LUZP2: variants seen among roughly 807,000 people sequenced by gnomAD.
The protein encoded by LUZP2 is leucine zipper protein 2.
Under a neutral mutation model 51.6 loss-of-function variants are expected in LUZP2, and 52 were observed. The ratio of observed to expected loss-of-function variants is 1.01; its 90% confidence interval spans 0.81 to 1.27. LUZP2 has a LOEUF of 1.27. Among genes scored for constraint, LUZP2 ranks in the 50% most tolerant of loss-of-function variants. The probability of loss-of-function intolerance (pLI) is 0.00; values close to 1 mark genes in which losing one functional copy is unlikely to be tolerated. For synonymous variants in LUZP2, 154 were observed against 137.3 expected (o/e 1.12, Z -0.85); for missense variants, 436 against 395.4 (o/e 1.10, Z -0.87).
chr11:24,647,723 T>A (rs1855506246), intron 1 of LUZP2, among the ~76,000 whole-genome samples: 1 of 152,008 alleles, frequency 6.6e-6, no homozygotes, highest in Non-Finnish European at 1.5e-5. Flanking sequence ...GTTGATAGCC[T>A]TTATCAAGAT....
intron 1 of LUZP2, among the ~76,000 whole-genome samples, chr11:24,587,483 CT>C (rs1295302606): frequency 1.3e-5 from 2 of 152,086 alleles, no homozygotes; most frequent in African/African-American, 4.8e-5. Flanking sequence ...TCTTAGCTTT[CT>C]GATTTTTAGA....
At chr11:24,540,054 T>G (rs1173803725) in intron 1 of LUZP2, among the ~76,000 whole-genome samples, 1 of 152,068 alleles carries the variant, frequency 6.6e-6, no homozygotes, top group Non-Finnish European at 1.5e-5. Context: ...AAAAATTTAA[T>G]AGAAACCTAC....
chr11:24,530,797 G>T, intron 1 of LUZP2, among the ~76,000 whole-genome samples: 2 of 101,208 alleles, frequency 2.0e-5, no homozygotes, highest in East Asian at 3.1e-4. Context: ...GTGGGGTTTA[G>T]GGTTGACTTT....
chr11:25,050,000 T>C, intron 9 of LUZP2, 38 bp from the exon 10 acceptor site: 3 of 1,223,726 alleles, frequency 2.5e-6, no homozygotes, highest in Non-Finnish European at 3.5e-6. Flanking sequence ...TTGTATTTAG[T>C]GATTTCTTTC....
chr11:24,812,170 G>C (rs1195291611), intron 5 of LUZP2, among the ~76,000 whole-genome samples: 1 of 151,446 alleles, frequency 6.6e-6, no homozygotes, highest in Non-Finnish European at 1.5e-5. Context: ...TATTTTTTAT[G>C]TTATGAGGAT....
intron 10 of LUZP2, among the ~76,000 whole-genome samples, chr11:25,069,834 TA>T (rs1179665883): frequency 1.3e-5 from 2 of 151,860 alleles, no homozygotes; most frequent in African/African-American, 4.8e-5. Flanking sequence ...AGGAATTTCT[TA>T]TTTTTTTTTA....
chr11:24,717,358 T>C (rs1858086747), intron 1 of LUZP2, among the ~76,000 whole-genome samples: 1 of 151,968 alleles, frequency 6.6e-6, no homozygotes, highest in Admixed American at 6.6e-5. Flanking sequence ...ACTCATGCCA[T>C]GGGGGTTTGT....
intron 1 of LUZP2, among the ~76,000 whole-genome samples, chr11:24,600,651 A>G (rs534899321): frequency 2.2e-4 from 34 of 152,144 alleles, no homozygotes; most frequent in Non-Finnish European, 4.3e-4. Context: ...CTGTTCATAA[A>G]GATCGTGATT....
At chr11:24,997,544 G>A (rs550488116) in intron 9 of LUZP2, among the ~76,000 whole-genome samples, 12 of 152,196 alleles carry the variant, frequency 7.9e-5, no homozygotes, top group South Asian at 6.2e-4. Flanking sequence ...AGTAGGTTGC[G>A]AAAATGTTCT....
intron 4 of LUZP2, among the ~76,000 whole-genome samples, chr11:24,749,736 C>T (rs1028959266): frequency 2.6e-5 from 4 of 152,188 alleles, no homozygotes; most frequent in East Asian, 1.9e-4. Flanking sequence ...CCTCCCATTT[C>T]TCCTGCCCTT....
chr11:25,039,202 G>A (rs1857960860), intron 9 of LUZP2, among the ~76,000 whole-genome samples: 1 of 152,128 alleles, frequency 6.6e-6, no homozygotes, highest in African/African-American at 2.4e-5. Flanking sequence ...CTGAACTAGT[G>A]GCCACAGCCC....
intron 1 of LUZP2, among the ~76,000 whole-genome samples, chr11:24,501,692 T>C (rs1225219551): frequency 6.6e-6 from 1 of 152,206 alleles, no homozygotes; most frequent in Non-Finnish European, 1.5e-5. Context: ...TGATGTTTCA[T>C]TATCATGCAG....
intron 5 of LUZP2, among the ~76,000 whole-genome samples, chr11:24,875,834 T>G (rs1362902891): frequency 6.6e-6 from 1 of 152,202 alleles, no homozygotes; most frequent in East Asian, 1.9e-4. Flanking sequence ...GGTTTTGATT[T>G]GCATTTCTCT....
chr11:24,704,620 A>T (rs1047788535), intron 1 of LUZP2, among the ~76,000 whole-genome samples: 1 of 151,948 alleles, frequency 6.6e-6, no homozygotes, highest in African/African-American at 2.4e-5. Context: ...ATATATATAT[A>T]TATATGAGAG....
intron 1 of LUZP2, among the ~76,000 whole-genome samples, chr11:24,711,668 C>A (rs1252059618): frequency 1.3e-5 from 2 of 151,966 alleles, no homozygotes; most frequent in African/African-American, 2.4e-5. Flanking sequence ...AATTTGATTT[C>A]TTTATACACA....
intron 2 of LUZP2, among the ~76,000 whole-genome samples, chr11:24,730,535 G>C (rs1407646659): frequency 6.6e-6 from 1 of 151,808 alleles, no homozygotes; most frequent in Non-Finnish European, 1.5e-5. Context: ...AGGATGAAAA[G>C]AAGTACAGAT....
intron 7 of LUZP2, among the ~76,000 whole-genome samples, chr11:24,966,898 A>G (rs1477317024): frequency 6.8e-6 from 1 of 147,782 alleles, no homozygotes; most frequent in African/African-American, 2.5e-5. Flanking sequence ...TCTAATATAT[A>G]TATTATATAT....
chr11:24,592,073 C>T (rs1853279392), intron 1 of LUZP2, among the ~76,000 whole-genome samples: 1 of 152,126 alleles, frequency 6.6e-6, no homozygotes, highest in Non-Finnish European at 1.5e-5. Flanking sequence ...AATGGAAAAA[C>T]CCACCAGGGC....
At chr11:24,947,397 A>AG in intron 7 of LUZP2, among the ~76,000 whole-genome samples, 1 of 152,006 alleles carries the variant, frequency 6.6e-6, no homozygotes, top group Admixed American at 6.6e-5. Flanking sequence ...AAAGGGAGGC[A>AG]GTAGAGGCAG....
Sources: allele counts gnomAD v4.1 joint callset (sites outside exome capture counted in the v4.1 genomes callset), GRCh38; gene constraint gnomAD v4.1.1; transcripts MANE v1.5; gene names NCBI Gene and HGNC (gene_info 2026-07-23, HGNC 2026-07-21).